CCSER1: variants seen among roughly 807,000 people sequenced by gnomAD.
CCSER1 encodes serine-rich coiled-coil domain-containing protein 1.
CCSER1 carries 41 observed loss-of-function variants against 82.0 expected under a neutral mutation model. The ratio of observed to expected loss-of-function variants is 0.50; its 90% CI spans 0.39 to 0.65. The LOEUF (loss-of-function observed/expected upper bound fraction) is 0.65, where lower values mean the gene tolerates loss of function less well. Among genes scored for constraint, CCSER1 ranks in the 30% least tolerant of loss-of-function variants. CCSER1 has a pLI of 0.00. For missense variants in CCSER1, 1,119 were observed against 1,064.2 expected (o/e 1.05, Z -0.72); for synonymous variants, 414 against 383.9 (o/e 1.08, Z -0.92).
intron 5 of CCSER1, among the ~76,000 whole-genome samples, chr4:90,617,842 T>G (rs974044535): frequency 6.6e-6 from 1 of 152,126 alleles, no homozygotes. Context: ...TCAAGGATTT[T>G]TTTGTTTGTT....
chr4:91,098,317 A>G (rs1040505739), intron 10 of CCSER1, among the ~76,000 whole-genome samples: 2 of 152,206 alleles, frequency 1.3e-5, no homozygotes, highest in African/African-American at 4.8e-5. Context: ...TCCAAAAGAG[A>G]AAATTCTGAG....
At chr4:90,948,171 T>G (rs1170549763) in intron 9 of CCSER1, among the ~76,000 whole-genome samples, 1 of 152,010 alleles carries the variant, frequency 6.6e-6, no homozygotes, top group African/African-American at 2.4e-5. Flanking sequence ...ATTCCTACTA[T>G]AGTAATTGAT....
At chr4:91,419,762 G>T (rs1237294772) in intron 10 of CCSER1, among the ~76,000 whole-genome samples, 2 of 151,918 alleles carry the variant, frequency 1.3e-5, no homozygotes, top group East Asian at 3.9e-4. Flanking sequence ...TCAGAAAGAA[G>T]AAAAATCTGG....
chr4:91,547,309 G>A (rs1761941258), intron 10 of CCSER1, among the ~76,000 whole-genome samples: 1 of 152,080 alleles, frequency 6.6e-6, no homozygotes, highest in African/African-American at 2.4e-5. Context: ...GTTACAATCA[G>A]CTATGATAAT....
chr4:90,807,075 G>A (rs1299669689), intron 7 of CCSER1, among the ~76,000 whole-genome samples: 1 of 152,018 alleles, frequency 6.6e-6, no homozygotes, highest in African/African-American at 2.4e-5. Context: ...ATAGTTTGGT[G>A]TCATCATCAA....
rs540059095 is a variant in CCSER1, at chr4:91,274,249, C to T, written c.2217+188255C>T. 3.9e-5 allele frequency among the ~76,000 whole-genome samples: 6 copies of T among 152,166 alleles called. No individual in the cohort carries two copies. The East Asian group carries it at 1.2e-3, about 29-fold the overall frequency. ...ATGGGGTACATGTGATATTTTATTA[C>T]ATGCATAGAATGTGTAATGATCAAG... is the stretch of plus-strand genomic sequence containing the variant. On this transcript the variant is annotated intron_variant, in intron 10 of 10. Transcript: ENST00000509176.
At chr4:91,525,781 A>G in intron 10 of CCSER1, among the ~76,000 whole-genome samples, 1 of 152,062 alleles carries the variant, frequency 6.6e-6, no homozygotes, top group East Asian at 1.9e-4. Flanking sequence ...CGTAGCCTCA[A>G]CCTATGGACT....
chr4:91,297,820 A>C (rs1744332338), intron 10 of CCSER1, among the ~76,000 whole-genome samples: 1 of 151,978 alleles, frequency 6.6e-6, no homozygotes, highest in South Asian at 2.1e-4. Flanking sequence ...TTTAAAGGAG[A>C]ATTGGGGTAC....
rs573273108 is a variant in CCSER1, at chr4:90,436,850, A to G, written c.1604-31384A>G. 2.3e-3 allele frequency among the ~76,000 whole-genome samples: 346 copies of G among 149,736 alleles called. 4 individuals are homozygous for G. The highest frequency in any genetic ancestry group is 8.2e-3 in the African/African-American group (333 of 40,640). ...GAGACGGAGTCTCACTCTGTCGCCC[A>G]GGCTGGAGTGCAGTGGCGCAATCTC... On this transcript the variant is annotated intron_variant, in intron 4 of 10. Transcript: ENST00000509176.
intron 10 of CCSER1, among the ~76,000 whole-genome samples, chr4:91,560,124 GC>G (rs1762586187): frequency 6.6e-6 from 1 of 151,042 alleles, no homozygotes; most frequent in Non-Finnish European, 1.5e-5. Context: ...AAAATATGTT[GC>G]TTTATTGAAA....
chr4:91,224,264 A>C (rs1202423455), intron 10 of CCSER1, among the ~76,000 whole-genome samples: 1 of 152,098 alleles, frequency 6.6e-6, no homozygotes, highest in Admixed American at 6.6e-5. Flanking sequence ...ATATTTAACG[A>C]AATGGTAATT....
At chr4:90,474,789 A>T (rs6851890) in intron 5 of CCSER1, among the ~76,000 whole-genome samples, 1 of 152,166 alleles carries the variant, frequency 6.6e-6, no homozygotes, top group East Asian at 1.9e-4. Context: ...TGAAAAGAGA[A>T]CTGTGTCAAT....
chr4:90,542,785 T>C (rs1776267552), intron 5 of CCSER1, among the ~76,000 whole-genome samples: 1 of 152,124 alleles, frequency 6.6e-6, no homozygotes, highest in East Asian at 1.9e-4. Flanking sequence ...AACAATATTA[T>C]GAGACAAGTA....
intron 4 of CCSER1, among the ~76,000 whole-genome samples, chr4:90,427,704 G>T (rs531414905): frequency 6.6e-6 from 1 of 151,652 alleles, no homozygotes; most frequent in South Asian, 2.1e-4. Flanking sequence ...ATATGCACAT[G>T]ATCAAATGTA....
chr4:90,587,249 A>T (rs773864343), intron 5 of CCSER1, among the ~76,000 whole-genome samples: 3 of 152,210 alleles, frequency 2.0e-5, no homozygotes, highest in Non-Finnish European at 2.9e-5. Context: ...CAGAACTGTA[A>T]GATAATATAT....
At chr4:90,287,532 T>C (rs1164280945) in intron 1 of CCSER1, among the ~76,000 whole-genome samples, 2 of 151,914 alleles carry the variant, frequency 1.3e-5, no homozygotes, top group African/African-American at 4.8e-5. Flanking sequence ...GTTACATGAG[T>C]CTCATCAGAG....
intron 6 of CCSER1, among the ~76,000 whole-genome samples, chr4:90,721,050 G>A (rs753376666): frequency 3.0e-4 from 45 of 151,860 alleles, no homozygotes; most frequent in Non-Finnish European, 5.2e-4. Flanking sequence ...ATAAAAAGAA[G>A]GTGATATTAA....
In CCSER1 at chr4:91,013,633, T is replaced by C. The variant is rs866330840; in HGVS notation, c.2173-72317T>C. On this transcript the variant is annotated intron_variant, in intron 9 of 10. Transcript: ENST00000509176. Reference sequence around the variant, plus strand: ...TTTTTTTTTTTTTGAGATGGAGTCTTGCTCTGTCAACCAGGCTGGAGTGCA... The same window carrying C: ...TTTTTTTTTTTTTGAGATGGAGTCTCGCTCTGTCAACCAGGCTGGAGTGCA... 2.7e-4 allele frequency among the ~76,000 whole-genome samples: 33 copies of C among 123,730 alleles called. 2 individuals are homozygous for C. Among genetic ancestry groups the C allele is most frequent in the African/African-American group, 7.8e-4 (30 of 38,704 alleles). The allele number at this position is 123,730 out of a possible 152,430, so 81.2% of individuals were successfully genotyped here. A position where few individuals can be genotyped will look rare whatever the true frequency, so the allele number is the denominator to read the frequency against.
At chr4:90,836,385 A>G (rs918823355) in intron 8 of CCSER1, among the ~76,000 whole-genome samples, 2 of 152,034 alleles carry the variant, frequency 1.3e-5, no homozygotes, top group African/African-American at 4.8e-5. Context: ...GCAGATGCAT[A>G]TTCTTCTGAG....
Sources: gnomAD v4.1 joint callset for allele counts (sites outside exome capture counted in the v4.1 genomes callset) on GRCh38, gnomAD v4.1.1 for gene constraint, MANE v1.5 for transcripts, NCBI Gene and HGNC (gene_info 2026-07-23, HGNC 2026-07-21) for gene names.